Variants in ZNF423 observed in about 807,000 individuals in gnomAD.
ZNF423 encodes Ebf-associated zinc finger protein.
Under a neutral mutation model 95.8 loss-of-function variants are expected in ZNF423, and 12 were observed. The observed-to-expected ratio is 0.13, with a 90% CI of 0.08 to 0.20. The LOEUF is 0.20. ZNF423 is among the 10% of genes least tolerant of loss of function. The pLI is 1.00. For missense variants in ZNF423, 1,316 were observed against 1,737.1 expected (o/e 0.76, Z 4.31); for synonymous variants, 749 against 711.9 (o/e 1.05, Z -0.83).
intron 1 of ZNF423, among the ~76,000 whole-genome samples, chr16:49,803,711 A>G (rs2034614674): frequency 6.6e-6 from 1 of 152,116 alleles, no homozygotes; most frequent in South Asian, 2.1e-4. Flanking sequence ...GAGCTGAGTG[A>G]GTGAATGAAT....
chr16:49,536,282 C>G (rs1226125041), intron 5 of ZNF423, among the ~76,000 whole-genome samples: 1 of 152,114 alleles, frequency 6.6e-6, no homozygotes, highest in African/African-American at 2.4e-5. Context: ...CCACCTTGAC[C>G]TGGGTCACTG....
intron 5 of ZNF423, among the ~76,000 whole-genome samples, chr16:49,612,759 A>G (rs1400682434): frequency 6.6e-6 from 1 of 152,188 alleles, no homozygotes; most frequent in East Asian, 1.9e-4. Context: ...TACAGATGGC[A>G]TGATTGTCTA....
chr16:49,548,358 T>C (rs1269922365), intron 5 of ZNF423, among the ~76,000 whole-genome samples: 1 of 152,194 alleles, frequency 6.6e-6, no homozygotes, highest in Non-Finnish European at 1.5e-5. Context: ...TTTGCTGCAA[T>C]TTGTATAACA....
chr16:49,738,676 G>C (rs551657430), intron 2 of ZNF423, among the ~76,000 whole-genome samples: 3 of 152,114 alleles, frequency 2.0e-5, no homozygotes, highest in Non-Finnish European at 4.4e-5. Flanking sequence ...GACCAGTGGA[G>C]CGGAGAAAGT....
At chr16:49,796,527 G>A (rs1003169222) in intron 1 of ZNF423, among the ~76,000 whole-genome samples, 1 of 152,222 alleles carries the variant, frequency 6.6e-6, no homozygotes, top group South Asian at 2.1e-4. Context: ...GACAGGGCTG[G>A]GGCCCTGCTC....
intron 1 of ZNF423, among the ~76,000 whole-genome samples, chr16:49,815,895 T>A (rs2034838391): frequency 4.3e-5 from 2 of 46,782 alleles, no homozygotes; most frequent in Non-Finnish European, 7.7e-5. Flanking sequence ...TATATATATA[T>A]ATATATATAT....
At chr16:49,725,222 GA>G (rs1345926902) in intron 3 of ZNF423, among the ~76,000 whole-genome samples, 1 of 152,040 alleles carries the variant, frequency 6.6e-6, no homozygotes, top group Admixed American at 6.6e-5. Context: ...ATCCATACAA[GA>G]AAAAATTAAA....
chr16:49,758,532 A>G (rs2033769614), intron 2 of ZNF423, among the ~76,000 whole-genome samples: 1 of 152,142 alleles, frequency 6.6e-6, no homozygotes, highest in Non-Finnish European at 1.5e-5. Context: ...GCTTGAAGCC[A>G]GGACTTCAAG....
At chr16:49,765,687 T>G (rs1310197507) in intron 2 of ZNF423, among the ~76,000 whole-genome samples, 1 of 152,014 alleles carries the variant, frequency 6.6e-6, no homozygotes, top group Non-Finnish European at 1.5e-5. Context: ...GCCACTGCAC[T>G]CCAGCCTGGA....
At chr16:49,768,251 C>T (rs113797823) in intron 2 of ZNF423, among the ~76,000 whole-genome samples, 4,222 of 152,252 alleles carry the variant, frequency 0.028, 189 homozygotes, top group African/African-American at 0.096. Context: ...GGGGGCGCGG[C>T]GCGGACACCC....
chr16:49,818,314 C>G (rs139761669), intron 1 of ZNF423, among the ~76,000 whole-genome samples: 1 of 152,208 alleles, frequency 6.6e-6, no homozygotes, highest in East Asian at 1.9e-4. Context: ...TGGATAGGGC[C>G]CGGGGATCTG....
At chr16:49,856,222 C>T (rs1203835237), upstream of ZNF423, 1 of 139,492 alleles carries the variant, frequency 7.2e-6, no homozygotes, top group East Asian at 2.1e-4. Flanking sequence ...ACCCTACCGC[C>T]ACCCTCACCC....
intron 7 of ZNF423, among the ~76,000 whole-genome samples, chr16:49,503,285 G>A (rs1394031825): frequency 6.6e-6 from 1 of 152,162 alleles, no homozygotes. Flanking sequence ...AAAACAACGT[G>A]AAGCACAGTC....
chr16:49,613,353 C>T (rs1830045056), intron 5 of ZNF423, among the ~76,000 whole-genome samples: 1 of 152,170 alleles, frequency 6.6e-6, no homozygotes, highest in African/African-American at 2.4e-5. Context: ...CAGAAACAGA[C>T]CCACAGAAAT....
intron 3 of ZNF423, among the ~76,000 whole-genome samples, chr16:49,656,284 G>T (rs1259605475): frequency 6.6e-6 from 1 of 152,192 alleles, no homozygotes; most frequent in Non-Finnish European, 1.5e-5. Flanking sequence ...GCTGAGGCGG[G>T]TGGATCACCT....
intron 3 of ZNF423, among the ~76,000 whole-genome samples, chr16:49,719,077 T>C (rs1212153609): frequency 2.6e-5 from 4 of 152,184 alleles, no homozygotes; most frequent in African/African-American, 9.7e-5. Flanking sequence ...CCGAGATTGA[T>C]TACTCAGGGA....
intron 1 of ZNF423, among the ~76,000 whole-genome samples, chr16:49,812,503 C>G (rs918912749): frequency 1.7e-4 from 26 of 152,236 alleles, no homozygotes; most frequent in African/African-American, 5.5e-4. Flanking sequence ...AAGACCAGCC[C>G]AGGCAACATG....
At chr16:49,523,843 G>C in intron 6 of ZNF423, 104 bp from the exon 7 acceptor site, 1 of 885,660 alleles carries the variant, frequency 1.1e-6, no homozygotes, top group East Asian at 2.5e-5. Context: ...TGTGGCATAG[G>C]TACAGTCAGC....
chr16:49,827,348 T>C (rs1366945934), intron 1 of ZNF423, among the ~76,000 whole-genome samples: 2 of 151,984 alleles, frequency 1.3e-5, no homozygotes, highest in African/African-American at 4.8e-5. Flanking sequence ...ACAAACTGTA[T>C]ACATTTCACT....
Sources: allele counts gnomAD v4.1 joint callset (sites outside exome capture counted in the v4.1 genomes callset), GRCh38; gene constraint gnomAD v4.1.1; transcripts MANE v1.5; gene names NCBI Gene and HGNC (gene_info 2026-07-23, HGNC 2026-07-21).